The following ADAMTS18 variants were observed in gnomAD, a reference collection of about 807,000 sequenced individuals.
ADAMTS18 encodes the protein A disintegrin and metalloproteinase with thrombospondin motifs 18.
In ADAMTS18, 157 loss-of-function variants were observed where a neutral mutation model predicts 165.9. The ratio of observed to expected loss-of-function variants is 0.95; its 90% CI spans 0.83 to 1.08. The LOEUF is 1.08. ADAMTS18 is among the 50% of genes least tolerant of loss of function. ADAMTS18 has a pLI of 0.00. For synonymous variants in ADAMTS18, 782 were observed against 578.2 expected (o/e 1.35, Z -5.06); for missense variants, 2,040 against 1,534.0 (o/e 1.33, Z -5.51).
intron 10 of ADAMTS18, among the ~76,000 whole-genome samples, chr16:77,346,002 C>T (rs1487344038): frequency 6.6e-6 from 1 of 152,210 alleles, no homozygotes; most frequent in Non-Finnish European, 1.5e-5. Flanking sequence ...TCTGGTTTAG[C>T]CACACTGGCT....
At position 77,406,408 on chromosome 16, in the gene ADAMTS18, T is replaced by A. The variant is rs575017980; in HGVS notation, c.495+24887A>T. Among the ~76,000 whole-genome samples the A allele has an allele frequency of 4.3e-4, 66 of 152,212 alleles. No individual in the cohort carries two copies. In the South Asian group the frequency reaches 0.013, roughly 31 times the overall value. On this transcript the variant is annotated intron_variant, in intron 3 of 22. Transcript: ENST00000282849. ...ATAATAGTGAAATAAAATCTTGCCCTCCAAGATCACGATTGAAACAAAGAT... is the reference window on the plus strand; with the variant it reads ...ATAATAGTGAAATAAAATCTTGCCCACCAAGATCACGATTGAAACAAAGAT...
intron 3 of ADAMTS18, among the ~76,000 whole-genome samples, chr16:77,408,625 T>C (rs953942580): frequency 6.6e-6 from 1 of 152,158 alleles, no homozygotes; most frequent in African/African-American, 2.4e-5. Flanking sequence ...ATTGATTGCA[T>C]GTATACAAAG....
intron 19 of ADAMTS18, 124 bp from the exon 20 acceptor site, chr16:77,293,382 T>G: frequency 1.2e-6 from 1 of 846,944 alleles, no homozygotes. Context: ...ACTAAAGCTC[T>G]TTTTACGAGA....
chr16:77,388,288 T>A (rs139196968), intron 3 of ADAMTS18, among the ~76,000 whole-genome samples: 1 of 152,204 alleles, frequency 6.6e-6, no homozygotes, highest in African/African-American at 2.4e-5. Context: ...TTATTGGAGA[T>A]GGGGTTTCAC....
At chr16:77,304,756 T>G (rs1161090804) in intron 16 of ADAMTS18, among the ~76,000 whole-genome samples, 2 of 152,252 alleles carry the variant, frequency 1.3e-5, no homozygotes, top group Non-Finnish European at 2.9e-5. Flanking sequence ...CTTAGGAACG[T>G]GCAGCTTTAA....
chr16:77,298,961 T>C (rs770753106), intron 17 of ADAMTS18, among the ~76,000 whole-genome samples: 1 of 152,258 alleles, frequency 6.6e-6, no homozygotes, highest in African/African-American at 2.4e-5. Flanking sequence ...CACAACTGGC[T>C]TCCTCTGCAT....
At chr16:77,285,972 A>G (rs17712938) in intron 22 of ADAMTS18, among the ~76,000 whole-genome samples, 16,355 of 152,060 alleles carry the variant, frequency 0.11, 1,127 homozygotes, top group East Asian at 0.26. Context: ...GCTAGATCCT[A>G]TTGCTCTTCT....
chr16:77,312,951 C>G (rs188450095), intron 16 of ADAMTS18, among the ~76,000 whole-genome samples: 103 of 152,202 alleles, frequency 6.8e-4, no homozygotes, highest in African/African-American at 2.4e-3. Context: ...TGGGTATATA[C>G]CCAAAGGATT....
At chr16:77,397,167 T>C (rs1441166001) in intron 3 of ADAMTS18, among the ~76,000 whole-genome samples, 1 of 152,082 alleles carries the variant, frequency 6.6e-6, no homozygotes, top group Non-Finnish European at 1.5e-5. Flanking sequence ...TTTCTACATG[T>C]AGAGTAAAGA....
At chr16:77,332,763 C>A (rs2650891) in intron 12 of ADAMTS18, among the ~76,000 whole-genome samples, 75,609 of 151,988 alleles carry the variant, frequency 0.5, 19,223 homozygotes, top group Non-Finnish European at 0.55. Flanking sequence ...ATGACCAGAC[C>A]AAAGAGTGCC....
chr16:77,306,258 C>T (rs1346560727), intron 16 of ADAMTS18, among the ~76,000 whole-genome samples: 1 of 152,162 alleles, frequency 6.6e-6, no homozygotes, highest in African/African-American at 2.4e-5. Flanking sequence ...CTACCTTTAA[C>T]ACACAAACCA....
intron 21 of ADAMTS18, chr16:77,291,040 A>ACAAAT: frequency 2.0e-6 from 1 of 499,468 alleles, no homozygotes; most frequent in South Asian, 2.3e-5. Flanking sequence ...ATGAACAAAA[A>ACAAAT]CAAATCAACT....
At chr16:77,301,723 G>C (rs915174836) in intron 16 of ADAMTS18, among the ~76,000 whole-genome samples, 3 of 152,128 alleles carry the variant, frequency 2.0e-5, no homozygotes, top group Non-Finnish European at 4.4e-5. Context: ...CTTCTATTTT[G>C]CTACTGGCTT....
In ADAMTS18 at chr16:77,334,199, ACATATAATATACAGTGT is replaced by A. The variant is rs1567491059; in HGVS notation, c.1859+1540_1859+1556del. ...TATATAATATATAGTGTTATATATT[ACATATAATATACAGTGT>A]TATATATTATATATAATATATAGTG... On this transcript the variant is annotated intron_variant, in intron 12 of 22. Coordinates refer to ENST00000282849, the MANE Select transcript of ADAMTS18 (RefSeq NM_199355.4). 3.0e-4 allele frequency among the ~76,000 whole-genome samples: 24 copies of A among 78,954 alleles called. 3 individuals are homozygous for A. The highest frequency in any genetic ancestry group is 9.6e-4 in the Admixed American group (5 of 5,208). The allele number at this position is 78,954 out of a possible 152,430, so 51.8% of individuals were successfully genotyped here.
chr16:77,330,061 T>G (rs2056162504), intron 12 of ADAMTS18, among the ~76,000 whole-genome samples: 1 of 152,084 alleles, frequency 6.6e-6, no homozygotes, highest in Non-Finnish European at 1.5e-5. Context: ...AATAAGAATA[T>G]GAGATATGGA....
At chr16:77,359,027 G>A (rs1481094642) in intron 8 of ADAMTS18, among the ~76,000 whole-genome samples, 1 of 152,140 alleles carries the variant, frequency 6.6e-6, no homozygotes, top group Non-Finnish European at 1.5e-5. Context: ...AGCTAGAAGT[G>A]TCTTCATTGC....
At chr16:77,345,806 G>T (rs2056466983) in intron 10 of ADAMTS18, among the ~76,000 whole-genome samples, 1 of 152,226 alleles carries the variant, frequency 6.6e-6, no homozygotes, top group African/African-American at 2.4e-5. Flanking sequence ...ACTCAGTTAG[G>T]GAGAGCCTTC....
intron 14 of ADAMTS18, 118 bp from the exon 15 acceptor site, chr16:77,321,320 A>G (rs549838376): frequency 1.5e-6 from 2 of 1,364,560 alleles, no homozygotes; most frequent in Non-Finnish European, 2.0e-6. Flanking sequence ...AGTACAGCTT[A>G]TGGTTAAAAA....
At chr16:77,324,303 G>A (rs1337044140) in intron 13 of ADAMTS18, among the ~76,000 whole-genome samples, 2 of 152,320 alleles carry the variant, frequency 1.3e-5, no homozygotes, top group East Asian at 3.9e-4. Flanking sequence ...AGCATCCGCT[G>A]GGACCTGCTG....
Sources: allele counts gnomAD v4.1 joint callset (sites outside exome capture counted in the v4.1 genomes callset), GRCh38; gene constraint gnomAD v4.1.1; transcripts MANE v1.5; gene names NCBI Gene and HGNC (gene_info 2026-07-23, HGNC 2026-07-21).